APOLD1: variants seen among roughly 807,000 people sequenced by gnomAD.
The protein encoded by APOLD1 is apolipoprotein L domain-containing protein 1.
In APOLD1, 22 loss-of-function variants were observed where a neutral mutation model predicts 15.3. The ratio of observed to expected loss-of-function variants is 1.44; its 90% CI spans 1.03 to 2.05. The LOEUF is 2.05. Among genes scored for constraint, APOLD1 ranks in the 30% most tolerant of loss-of-function variants. The pLI is 0.00. For missense variants in APOLD1, 394 were observed against 353.5 expected, an observed-to-expected ratio of 1.11 and a Z score of -0.92; for synonymous variants, 190 against 167.4, an observed-to-expected ratio of 1.13 and a Z score of -1.04.
At chr12:12,781,896 AAC>A (rs1451844461), upstream of APOLD1, among the ~76,000 whole-genome samples, 1 of 151,882 alleles carries the variant, frequency 6.6e-6, no homozygotes, top group Non-Finnish European at 1.5e-5. Flanking sequence ...TAACTGTATA[AAC>A]ACCTCCTAAC....
At chr12:12,740,476 C>T (rs1946722642) in intron 1 of APOLD1, among the ~76,000 whole-genome samples, 1 of 152,128 alleles carries the variant, frequency 6.6e-6, no homozygotes, top group African/African-American at 2.4e-5. Flanking sequence ...CCCAGCTGCC[C>T]CATTCAACAT....
chr12:12,750,641 A>G (rs1946805885), intron 1 of APOLD1, among the ~76,000 whole-genome samples: 1 of 151,916 alleles, frequency 6.6e-6, no homozygotes. Context: ...TGCGCATATT[A>G]TTGGAGTGTA....
intron 1 of APOLD1, among the ~76,000 whole-genome samples, chr12:12,750,646 A>C (rs1359738783): frequency 6.6e-6 from 1 of 151,916 alleles, no homozygotes; most frequent in Non-Finnish European, 1.5e-5. Context: ...ATATTATTGG[A>C]GTGTAGTATA....
intron 1 of APOLD1, among the ~76,000 whole-genome samples, chr12:12,766,953 T>C (rs1441454616): frequency 1.3e-5 from 2 of 151,704 alleles, no homozygotes; most frequent in African/African-American, 2.4e-5. Context: ...TAAATAAGAG[T>C]TGGCCCCCTG....
intron 1 of APOLD1, among the ~76,000 whole-genome samples, chr12:12,768,919 G>T (rs1479700668): frequency 6.6e-6 from 1 of 151,688 alleles, no homozygotes; most frequent in Non-Finnish European, 1.5e-5. Flanking sequence ...ATTCTGGCAT[G>T]TAAGGAGCTC....
intron 1 of APOLD1, among the ~76,000 whole-genome samples, chr12:12,760,689 C>T (rs776992297): frequency 2.6e-5 from 4 of 151,068 alleles, no homozygotes; most frequent in Admixed American, 1.3e-4. Context: ...CAAACAAAAC[C>T]CTTATGTCCA....
chr12:12,775,202 G>T (rs1947022113), intron 1 of APOLD1, among the ~76,000 whole-genome samples: 1 of 152,186 alleles, frequency 6.6e-6, no homozygotes, highest in Admixed American at 6.5e-5. Flanking sequence ...ATCTGAAAAG[G>T]CTACATGCTG....
chr12:12,786,964 TC>T lies in APOLD1; in HGVS notation c.61del (p.Gln21ArgfsTer34). 1 of 1,459,512 alleles carries T rather than the reference TC, an allele frequency of 6.9e-7. No homozygotes were observed. The highest frequency in any genetic ancestry group is 9.0e-7 in the Non-Finnish European group (1 of 1,115,324). 90.4% of individuals were successfully genotyped at this position (1,459,512 alleles called of 1,614,324 possible). On this transcript the variant is annotated frameshift_variant, in exon 2 of 2. Coordinates refer to ENST00000356591, the MANE Select transcript of APOLD1 (RefSeq NM_030817.3). LOFTEE classifies it high-confidence loss of function. ...CATGGGCCCGACGCGCTGCGGCGCTTCCAGGGACTGCTGCTGGACCGCCGAG... is the reference window on the plus strand; with the variant it reads ...CATGGGCCCGACGCGCTGCGGCGCTTCAGGGACTGCTGCTGGACCGCCGAG... ...EPHGPDALRR[F>X]QGLLLDRRGR...
Position 12,763,526 on chromosome 12 carries a change from A to T in APOLD1, c.97-23383A>T, listed in dbSNP as rs185999679. ...AAAATATTGTGTGTGGGGGGGGGGA[A>T]AACAATACAACAATAAAAAATAATA... On this transcript the variant is annotated intron_variant, in intron 1 of 1. Transcript: ENST00000326765. Among the ~76,000 whole-genome samples, 190 of 149,350 alleles carry T rather than the reference A, an allele frequency of 1.3e-3. 1 individual carries two copies. Among genetic ancestry groups the T allele is most frequent in the Middle Eastern group, 6.8e-3 (2 of 292 alleles).
At position 12,736,946 on chromosome 12, in the gene APOLD1, C is replaced by T. The variant is rs371905964; in HGVS notation, c.96+10850C>T. On this transcript the variant is annotated intron_variant, in intron 1 of 1. Coordinates refer to the APOLD1 transcript ENST00000326765. ...CCGCTACCAGTCTTAGCTGGAGCTC[C>T]CTTTTCTTTGTCATACTCAGCCAGT... is the stretch of plus-strand genomic sequence containing the variant. Among the ~76,000 whole-genome samples, 128 of 152,266 alleles carry T rather than the reference C, an allele frequency of 8.4e-4. 2 individuals carry two copies. The highest frequency in any genetic ancestry group is 2.8e-3 in the African/African-American group (116 of 41,542).
Position 12,789,574 on chromosome 12 carries a change from A to T in APOLD1, c.*1922A>T, listed in dbSNP as rs1229503609. On this transcript the variant is annotated 3_prime_UTR_variant, in exon 2 of 2. Transcript: ENST00000356591. The stretch of plus-strand genomic sequence containing the variant: ...TGCAAGCCTGATGTCCTATCAAGTT[A>T]TGTCTTCTGGGTGACAGACAAAATC... 2.0e-5 allele frequency: 3 copies of T among 152,258 alleles called. No individual in the cohort carries two copies. Among genetic ancestry groups the T allele is most frequent in the Admixed American group, 6.5e-5 (1 of 15,294 alleles). 9.4% of individuals were successfully genotyped at this position (152,258 alleles called of 1,614,324 possible).
At chr12:12,755,181 T>G (rs545604222) in intron 1 of APOLD1, among the ~76,000 whole-genome samples, 2 of 152,238 alleles carry the variant, frequency 1.3e-5, no homozygotes, top group South Asian at 4.1e-4. Flanking sequence ...TTGTATAAAA[T>G]CAACACTCCA....
chr12:12,728,136 T>A lies in APOLD1; in HGVS notation c.96+2040T>A, dbSNP rs537660048. Among the ~76,000 whole-genome samples, 7 of 152,080 alleles carry A rather than the reference T, an allele frequency of 4.6e-5. No homozygotes were observed. In the East Asian group the frequency reaches 1.4e-3, roughly 29 times the overall value. On this transcript the variant is annotated intron_variant, in intron 1 of 1. Coordinates refer to the APOLD1 transcript ENST00000326765. ...GTGTGCCACCACATCCAGCAGTTTT[T>A]TTTTTACTTTTGTAGAGATGGGGTC... is the stretch of plus-strand genomic sequence containing the variant.
intron 1 of APOLD1, among the ~76,000 whole-genome samples, chr12:12,768,179 A>C (rs1199715987): frequency 6.6e-6 from 1 of 152,184 alleles, no homozygotes; most frequent in African/African-American, 2.4e-5. Flanking sequence ...CTGAGGGACA[A>C]CTGTACAAAT....
rs1242756287 is a variant in APOLD1 at position 12,755,686 on chromosome 12, C to CA, written c.96+29596dup. Among the ~76,000 whole-genome samples, 10 of 152,152 alleles carry CA rather than the reference C, an allele frequency of 6.6e-5. No individual in the cohort carries two copies. The East Asian group carries it at 1.9e-3, about 29-fold the overall frequency. On this transcript the variant is annotated intron_variant, in intron 1 of 1. Transcript: ENST00000326765. ...AGAAACTTCATCTCTACCAAAAATA[C>CA]AAAAAATTAGCTGGACGTGGTGGCA... is the stretch of plus-strand genomic sequence containing the variant.
In APOLD1 at chr12:12,787,743, G is replaced by A. The variant is rs1200363525; in HGVS notation, c.*91G>A. 6.7e-7 allele frequency: 1 copy of A among 1,497,962 alleles called. No homozygotes were observed. The highest frequency in any genetic ancestry group is 1.4e-5 in the African/African-American group (1 of 71,714). 92.8% of individuals were successfully genotyped at this position (1,497,962 alleles called of 1,614,324 possible). A position where few individuals can be genotyped will look rare whatever the true frequency, so the allele number is the denominator to read the frequency against. On this transcript the variant is annotated 3_prime_UTR_variant, in exon 2 of 2. Coordinates refer to ENST00000356591, the MANE Select transcript of APOLD1 (RefSeq NM_030817.3). This position sits in a 1 kb window ranked among gnomAD's most constrained non-coding sequence, Gnocchi z 4.9. ...AGCTCCCTTAGGAAAACACCAAGCTGGGTTAGGAGCCGAAGGCAAAGGATG... is the reference window on the plus strand; with the variant it reads ...AGCTCCCTTAGGAAAACACCAAGCTAGGTTAGGAGCCGAAGGCAAAGGATG...
chr12:12,757,445 C>T (rs1413303849), intron 1 of APOLD1, among the ~76,000 whole-genome samples: 3 of 152,198 alleles, frequency 2.0e-5, no homozygotes, highest in Non-Finnish European at 2.9e-5. Flanking sequence ...CCAGCCCATG[C>T]TTTAAAAAGT....
At chr12:12,726,307 C>T in intron 1 of APOLD1, 1 of 659,442 alleles carries the variant, frequency 1.5e-6, no homozygotes, top group Admixed American at 2.2e-5. Context: ...AGCGTTTTTG[C>T]GGGAGGAATA....
chr12:12,770,558 A>G (rs1946979159), intron 1 of APOLD1, among the ~76,000 whole-genome samples: 1 of 139,926 alleles, frequency 7.1e-6, no homozygotes, highest in African/African-American at 2.8e-5. Flanking sequence ...ACAAAGAGAA[A>G]AAAAGACTGA....
Sources: allele counts gnomAD v4.1 joint callset (sites outside exome capture counted in the v4.1 genomes callset), GRCh38; gene constraint gnomAD v4.1.1; non-coding constraint Gnocchi (gnomAD v3.1); transcripts MANE v1.5; gene names NCBI Gene and HGNC (gene_info 2026-07-23, HGNC 2026-07-21).